The following ZNF423 variants were observed in gnomAD, a reference collection of about 807,000 sequenced individuals.
The protein encoded by ZNF423 is zinc finger protein 423, also known as Ebf-associated zinc finger protein.
A neutral mutation model predicts 95.8 loss-of-function variants in ZNF423; 12 were observed. The observed-to-expected ratio is 0.13, with a 90% CI of 0.08 to 0.20. The LOEUF is 0.20. Ranked by LOEUF, ZNF423 falls within the 10% of genes least tolerant of loss-of-function variation. The probability of loss-of-function intolerance (pLI) is 1.00; values close to 1 mark genes in which losing one functional copy is unlikely to be tolerated. For synonymous variants in ZNF423, 749 were observed against 711.9 expected (o/e 1.05, Z -0.83); for missense variants, 1,316 against 1,737.1 (o/e 0.76, Z 4.31).
At chr16:49,794,009 C>T (rs1161217860) in intron 1 of ZNF423, among the ~76,000 whole-genome samples, 2 of 135,478 alleles carry the variant, frequency 1.5e-5, no homozygotes, top group Non-Finnish European at 3.2e-5. Context: ...CTCTCTGTCT[C>T]TGTCTGTCTC....
chr16:49,515,958 C>T (rs1456754889), intron 7 of ZNF423, among the ~76,000 whole-genome samples: 1 of 152,196 alleles, frequency 6.6e-6, no homozygotes, highest in East Asian at 1.9e-4. Context: ...CCTTCATCTG[C>T]TGAGGCCTGA....
In ZNF423 at chr16:49,491,320, A is replaced by C; in HGVS notation, c.3850-16T>G. ...TCGTGTGGTTCTGCAAAGGCGAAGA[A>C]AGGAGACACACATGAAGGAGAAGAA... On this transcript the variant is annotated splice_polypyrimidine_tract_variant and intron_variant, in intron 7 of 7. Coordinates refer to ENST00000563137, the MANE Select transcript of ZNF423 (RefSeq NM_001379286.1). 6.2e-7 allele frequency: 1 copy of C among 1,613,940 alleles called. No homozygotes were observed.
intron 5 of ZNF423, among the ~76,000 whole-genome samples, chr16:49,614,458 A>C (rs1971813582): frequency 6.6e-6 from 1 of 152,252 alleles, no homozygotes; most frequent in Non-Finnish European, 1.5e-5. Flanking sequence ...ATTTACCCCC[A>C]AAATAACGAA....
At chr16:49,702,530 G>A (rs1024030587) in intron 3 of ZNF423, among the ~76,000 whole-genome samples, 52 of 152,314 alleles carry the variant, frequency 3.4e-4, no homozygotes, top group African/African-American at 1.2e-3. Context: ...CGATCAAATT[G>A]AGGAGGGGGC....
intron 5 of ZNF423, among the ~76,000 whole-genome samples, chr16:49,547,776 T>C (rs1372957406): frequency 6.6e-6 from 1 of 152,228 alleles, no homozygotes; most frequent in Non-Finnish European, 1.5e-5. Context: ...ATAATGGCTT[T>C]AGGAGGCTAT....
chr16:49,723,739 T>C (rs1229075897), intron 3 of ZNF423, among the ~76,000 whole-genome samples: 1 of 152,212 alleles, frequency 6.6e-6, no homozygotes, highest in Non-Finnish European at 1.5e-5. Context: ...TTGAGTTTGG[T>C]GTCAGGAGTG....
intron 5 of ZNF423, among the ~76,000 whole-genome samples, chr16:49,618,451 G>A (rs954594573): frequency 1.3e-5 from 2 of 152,126 alleles, no homozygotes; most frequent in African/African-American, 4.8e-5. Flanking sequence ...GATCATGGAG[G>A]TGGTTTCCCC....
intron 3 of ZNF423, among the ~76,000 whole-genome samples, chr16:49,675,535 G>A (rs866380314): frequency 6.6e-5 from 10 of 151,866 alleles, no homozygotes; most frequent in South Asian, 4.2e-4. Context: ...GGGCTGCCAC[G>A]GCCCCCACAA....
intron 5 of ZNF423, among the ~76,000 whole-genome samples, chr16:49,553,850 G>T (rs1014477789): frequency 1.3e-5 from 2 of 152,176 alleles, no homozygotes; most frequent in African/African-American, 4.8e-5. Context: ...TTTCATTAGG[G>T]TTGCTCAGAA....
intron 3 of ZNF423, among the ~76,000 whole-genome samples, chr16:49,666,757 G>A (rs1259085004): frequency 6.6e-6 from 1 of 152,220 alleles, no homozygotes. Context: ...CTGAGGCCCA[G>A]GCTGGTAGTA....
chr16:49,709,690 G>A (rs569227602), intron 3 of ZNF423, among the ~76,000 whole-genome samples: 19 of 152,178 alleles, frequency 1.2e-4, no homozygotes, highest in Non-Finnish European at 1.9e-4. Context: ...GGTCATGAGG[G>A]TTCCATCCCT....
At chr16:49,499,052 G>A (rs540271155) in intron 7 of ZNF423, among the ~76,000 whole-genome samples, 2 of 152,300 alleles carry the variant, frequency 1.3e-5, no homozygotes, top group Non-Finnish European at 2.9e-5. Context: ...AGGCTATGAC[G>A]TGGACACACC....
intron 3 of ZNF423, among the ~76,000 whole-genome samples, chr16:49,647,173 C>T (rs145397365): frequency 5.9e-5 from 9 of 152,312 alleles, no homozygotes; most frequent in African/African-American, 1.7e-4. Flanking sequence ...TACCAGGCCC[C>T]GTGACTTGAA....
intron 4 of ZNF423, among the ~76,000 whole-genome samples, chr16:49,630,634 A>G (rs1972465006): frequency 6.6e-6 from 1 of 152,128 alleles, no homozygotes; most frequent in African/African-American, 2.4e-5. Context: ...TAGAGGCTGC[A>G]GCCATGGCTG....
At chr16:49,602,207 C>T (rs1212391672) in intron 5 of ZNF423, among the ~76,000 whole-genome samples, 1 of 152,236 alleles carries the variant, frequency 6.6e-6, no homozygotes, top group Admixed American at 6.5e-5. Flanking sequence ...ACTGCCTCCG[C>T]CAGGAAGGCC....
At chr16:49,853,974 C>G in intron 1 of ZNF423, 1 of 985,376 alleles carries the variant, frequency 1.0e-6, no homozygotes, top group South Asian at 4.7e-5. Context: ...TCTTCTGGGT[C>G]GCCTCTTAAG....
At chr16:49,818,268 C>T (rs889036137) in intron 1 of ZNF423, among the ~76,000 whole-genome samples, 3 of 151,802 alleles carry the variant, frequency 2.0e-5, no homozygotes, top group Non-Finnish European at 4.4e-5. Flanking sequence ...AACTCAGATG[C>T]CCGGGCGCCC....
intron 5 of ZNF423, among the ~76,000 whole-genome samples, chr16:49,550,323 C>A (rs542363549): frequency 2.6e-5 from 4 of 152,256 alleles, no homozygotes; most frequent in Admixed American, 2.6e-4. Context: ...TTTCCCTTTT[C>A]GTCCATTCTC....
chr16:49,527,890 C>T (rs748400716), intron 5 of ZNF423, among the ~76,000 whole-genome samples: 3 of 152,140 alleles, frequency 2.0e-5, no homozygotes, highest in Non-Finnish European at 4.4e-5. Flanking sequence ...AGGCAGCCTG[C>T]CCTGACTATT....
Sources: gnomAD v4.1 joint callset for allele counts (sites outside exome capture counted in the v4.1 genomes callset) on GRCh38, gnomAD v4.1.1 for gene constraint, MANE v1.5 for transcripts, NCBI Gene and HGNC (gene_info 2026-07-23, HGNC 2026-07-21) for gene names.